Variants in CUBN observed in about 807,000 individuals in gnomAD.
The protein encoded by CUBN is cubilin.
In CUBN, 282 loss-of-function variants were observed where a neutral mutation model predicts 405.3. That is an observed-to-expected ratio of 0.70 (90% CI 0.63 to 0.77). The LOEUF (loss-of-function observed/expected upper bound fraction) is 0.77, where lower values mean the gene tolerates loss of function less well. Among genes scored for constraint, CUBN ranks in the 30% least tolerant of loss-of-function variants. CUBN has a pLI of 0.00. For synonymous variants in CUBN, 1,684 were observed against 1,617.0 expected (o/e 1.04, Z -0.99); for missense variants, 4,514 against 4,475.2 (o/e 1.01, Z -0.25).
chr10:17,091,802 C>A (rs541319673), intron 14 of CUBN, among the ~76,000 whole-genome samples: 2 of 152,186 alleles, frequency 1.3e-5, no homozygotes, highest in Non-Finnish European at 2.9e-5. Context: ...CACCAGTTTA[C>A]AAACAACATG....
At chr10:17,063,122 A>C (rs543767381) in intron 22 of CUBN, among the ~76,000 whole-genome samples, 104 of 152,200 alleles carry the variant, frequency 6.8e-4, no homozygotes, top group Middle Eastern at 3.4e-3. Flanking sequence ...TCCCTAAAAA[A>C]TGCTGCAGGA....
At chr10:17,020,133 A>T (rs1175333976) in intron 27 of CUBN, 150 bp from the exon 28 acceptor site, 1 of 790,322 alleles carries the variant, frequency 1.3e-6, no homozygotes, top group African/African-American at 1.7e-5. Flanking sequence ...ACTCAACATA[A>T]GAATTAAAAA....
intron 55 of CUBN, among the ~76,000 whole-genome samples, chr10:16,889,681 GTCAAGAGA>G: frequency 6.6e-6 from 1 of 151,696 alleles, no homozygotes; most frequent in East Asian, 1.9e-4. Context: ...GGTTCACGAG[GTCAAGAGA>G]TCAAGATCAT....
chr10:17,105,605 T>C (rs1359277280), intron 10 of CUBN, 30 bp from the exon 11 acceptor site: 2 of 1,232,174 alleles, frequency 1.6e-6, no homozygotes, highest in Non-Finnish European at 2.4e-6. Context: ...AACGTGTAAA[T>C]ACAGGTCTCC....
At chr10:17,021,288 C>G (rs1283594180) in intron 27 of CUBN, among the ~76,000 whole-genome samples, 1 of 152,122 alleles carries the variant, frequency 6.6e-6, no homozygotes, top group Non-Finnish European at 1.5e-5. Flanking sequence ...AGCTGTATAT[C>G]TCCAAACTGA....
At chr10:16,863,858 G>A (rs190635652) in intron 59 of CUBN, among the ~76,000 whole-genome samples, 1 of 151,782 alleles carries the variant, frequency 6.6e-6, no homozygotes, top group East Asian at 1.9e-4. Flanking sequence ...TTCATTTAAC[G>A]TGTTTGAGAG....
chr10:17,035,800 A>G (rs1834883171), intron 27 of CUBN, among the ~76,000 whole-genome samples: 1 of 151,688 alleles, frequency 6.6e-6, no homozygotes, highest in Non-Finnish European at 1.5e-5. Context: ...ACACATGGAC[A>G]CAGGACAGGG....
chr10:16,930,577 A>G (rs1219530065), intron 40 of CUBN, among the ~76,000 whole-genome samples: 2 of 152,154 alleles, frequency 1.3e-5, no homozygotes, highest in African/African-American at 2.4e-5. Context: ...TTTCTATTTA[A>G]AAGTTTTGCT....
chr10:17,052,973 G>T (rs1373050274), intron 22 of CUBN, among the ~76,000 whole-genome samples: 1 of 151,790 alleles, frequency 6.6e-6, no homozygotes, highest in Non-Finnish European at 1.5e-5. Context: ...TGAAGTGTCA[G>T]GTATGAATTG....
chr10:16,980,547 T>C (rs970010644), intron 31 of CUBN, among the ~76,000 whole-genome samples: 14 of 152,180 alleles, frequency 9.2e-5, no homozygotes, highest in African/African-American at 3.4e-4. Context: ...TGAAGGGACA[T>C]GGATGAAGCT....
At chr10:16,931,066 T>A (rs193033741) in intron 40 of CUBN, among the ~76,000 whole-genome samples, 136 of 151,456 alleles carry the variant, frequency 9.0e-4, no homozygotes, top group African/African-American at 3.1e-3. Flanking sequence ...ACCATCCTGG[T>A]TAACACAGTG....
intron 17 of CUBN, among the ~76,000 whole-genome samples, chr10:17,081,080 G>C (rs1177761004): frequency 1.3e-5 from 2 of 152,052 alleles, no homozygotes; most frequent in African/African-American, 2.4e-5. Flanking sequence ...TGCTACACTG[G>C]GTCAATATCA....
At chr10:16,904,304 C>G (rs1006804558) in intron 50 of CUBN, among the ~76,000 whole-genome samples, 189 bp from the exon 51 acceptor site, 2 of 152,152 alleles carry the variant, frequency 1.3e-5, no homozygotes, top group African/African-American at 2.4e-5. Flanking sequence ...GGGGGTAAAA[C>G]AAACACAAAA....
chr10:16,868,251 C>T (rs896817193), intron 59 of CUBN, among the ~76,000 whole-genome samples: 7 of 152,094 alleles, frequency 4.6e-5, no homozygotes, highest in Admixed American at 6.6e-5. Context: ...TGTGGTTTAC[C>T]GGGAAGCCTT....
In CUBN at chr10:16,874,416, A is replaced by G; in HGVS notation, c.9194T>C (p.Leu3065Pro). ...GTCGTCACTAACGGTGATGGTATAC[A>G]GACAGTGCATATCATTTGGGTAGTC... ...YADYPNDMHC[L>P]YTITVSDDKV... The change falls in exon 58 of 67, where the codon CTG becomes CCG. Residue 3065 changes from leucine to proline, a missense_variant. This residue lies in a region of CUBN where 1,186 missense variants were observed against 1,186.9 expected (regional missense o/e 1.00). Coordinates refer to ENST00000377833, the MANE Select transcript of CUBN (RefSeq NM_001081.4). 6.2e-7 allele frequency: 1 copy of G among 1,614,212 alleles called. No individual in the cohort carries two copies.
intron 17 of CUBN, among the ~76,000 whole-genome samples, chr10:17,079,235 C>CTTTTT (rs34189586): frequency 6.4e-5 from 8 of 124,520 alleles, no homozygotes; most frequent in Admixed American, 6.0e-4. Context: ...AATGCAAACT[C>CTTTTT]TTTTTTTTTT....
Position 16,823,983 on chromosome 10 carries a change from ATGTT to A in CUBN, c.*988_*991del, listed in dbSNP as rs1327292917. On this transcript the variant is annotated 3_prime_UTR_variant, in exon 67 of 67. Coordinates refer to ENST00000377833, the MANE Select transcript of CUBN (RefSeq NM_001081.4). ...CAGCATAATTGTGTACAATTCAATA[ATGTT>A]TATTATGTGTAATTGAACATTCACA... 2.6e-5 allele frequency: 4 copies of A among 152,224 alleles called. No homozygotes were observed. In the East Asian group the frequency reaches 7.7e-4, roughly 29 times the overall value. The allele number at this position is 152,224 out of a possible 1,614,324, so 9.4% of individuals were successfully genotyped here. A position where few individuals can be genotyped will look rare whatever the true frequency, so the allele number is the denominator to read the frequency against.
At chr10:16,868,252 G>A (rs1840244430) in intron 59 of CUBN, among the ~76,000 whole-genome samples, 1 of 152,106 alleles carries the variant, frequency 6.6e-6, no homozygotes, top group Non-Finnish European at 1.5e-5. Context: ...GTGGTTTACC[G>A]GGAAGCCTTC....
intron 5 of CUBN, 51 bp from the exon 6 acceptor site, chr10:17,122,949 T>C: frequency 2.4e-6 from 3 of 1,236,192 alleles, no homozygotes; most frequent in South Asian, 1.2e-5. Flanking sequence ...CAGAGGTATC[T>C]GGAGCGAACA....
Sources: gnomAD v4.1 joint callset for allele counts (sites outside exome capture counted in the v4.1 genomes callset) on GRCh38, gnomAD v4.1.1 for gene constraint, gnomAD v4.1.1 regional missense constraint, MANE v1.5 for transcripts, NCBI Gene and HGNC (gene_info 2026-07-23, HGNC 2026-07-21) for gene names.